The following DAAM2 variants were observed in gnomAD, a reference collection of about 807,000 sequenced individuals.
DAAM2 encodes disheveled-associated activator of morphogenesis 2.
In DAAM2, 39 loss-of-function variants were observed where a neutral mutation model predicts 120.7. That is an observed-to-expected ratio of 0.32 (90% CI 0.25 to 0.42). DAAM2 has a LOEUF of 0.42. Ranked by LOEUF, DAAM2 falls within the 10% of genes least tolerant of loss-of-function variation. The pLI is 1.00. For synonymous variants in DAAM2, 488 were observed against 524.9 expected (o/e 0.93, Z 0.96); for missense variants, 1,283 against 1,401.7 (o/e 0.92, Z 1.35).
chr6:39,864,147 C>G (rs537215280), intron 3 of DAAM2, among the ~76,000 whole-genome samples: 1 of 151,898 alleles, frequency 6.6e-6, no homozygotes, highest in African/African-American at 2.4e-5. Flanking sequence ...GCAAACAGAA[C>G]AAGAGAAAAG....
chr6:39,806,048 A>G (rs964814407), intron 1 of DAAM2, among the ~76,000 whole-genome samples: 3 of 152,162 alleles, frequency 2.0e-5, no homozygotes, highest in African/African-American at 7.2e-5. Flanking sequence ...AAACTAGTTG[A>G]TCTATTTTGC....
chr6:39,871,570 A>T lies in DAAM2; in HGVS notation c.1042A>T (p.Met348Leu), dbSNP rs1027404379. 6.5e-7 allele frequency: 1 copy of T among 1,550,200 alleles called. No individual in the cohort carries two copies. Among genetic ancestry groups the T allele is most frequent in the Non-Finnish European group, 8.7e-7 (1 of 1,146,916 alleles). The stretch of plus-strand genomic sequence containing the variant: ...CCTGGAGCTAGCCAGGAGGTTTGAC[A>T]TGGTGAGGAGCCAGCAGGGTGGAGC... ...DDLELARRFD[M>L]VHIDTKSASQ... The change falls in exon 9 of 25, where the codon ATG (methionine) becomes TTG (leucine). Residue 348 changes from methionine to leucine, a missense_variant and splice_region_variant. Met to Leu is a conservative substitution (Grantham distance 15, BLOSUM62 2). Around this residue, in one of 3 missense-constraint regions of DAAM2, gnomAD observed 338 missense variants for 443.9 expected, o/e 0.76. Coordinates refer to ENST00000274867, the MANE Select transcript of DAAM2 (RefSeq NM_001201427.2).
In DAAM2 at chr6:39,902,078, T is replaced by C; in HGVS notation, c.*41T>C. 2 of 1,524,984 alleles carry C rather than the reference T, an allele frequency of 1.3e-6. No individual in the cohort carries two copies. Among genetic ancestry groups the C allele is most frequent in the Non-Finnish European group, 1.8e-6 (2 of 1,114,732 alleles). 94.5% of individuals were successfully genotyped at this position (1,524,984 alleles called of 1,614,324 possible). On this transcript the variant is annotated 3_prime_UTR_variant, in exon 25 of 25. Transcript: ENST00000274867. ...ACACAGGAGGCCGGGAGACAGGGAC[T>C]GGTGAGAATGGGGCTGAGTGGAGGA...
intron 1 of DAAM2, among the ~76,000 whole-genome samples, chr6:39,828,070 A>G (rs778264596): frequency 5.3e-5 from 8 of 152,196 alleles, no homozygotes; most frequent in Non-Finnish European, 1.0e-4. Context: ...CTGATGAAGC[A>G]CTGAGCACAA....
rs1415424608 is a variant in DAAM2 at position 39,903,487 on chromosome 6, T to G, written c.*1450T>G. The G allele has an allele frequency of 6.6e-6, 1 of 152,204 alleles. No homozygotes were observed. The highest frequency in any genetic ancestry group is 1.5e-5 in the Non-Finnish European group (1 of 68,068). 9.4% of individuals were successfully genotyped at this position (152,204 alleles called of 1,614,324 possible). On this transcript the variant is annotated 3_prime_UTR_variant, in exon 25 of 25. Transcript: ENST00000274867. ...ATGGGATGGCTGTATCTAGACAAAA[T>G]TTTTCTAAAACTCCATCAAGGCTCT...
rs139726952 is a variant in DAAM2 at position 39,899,132 on chromosome 6, C to T, written c.2679+195C>T. ...TTAAAAGGGGTTACCTAAGACTATA[C>T]CCATGTTACTGTCCAACTTGGTATC... On this transcript the variant is annotated intron_variant, in intron 22 of 24. Transcript: ENST00000274867. 737 of 578,794 alleles carry T rather than the reference C, an allele frequency of 1.3e-3. 6 individuals carry two copies. The highest frequency in any genetic ancestry group is 0.012 in the African/African-American group (664 of 53,336). 35.9% of individuals were successfully genotyped at this position (578,794 alleles called of 1,614,324 possible). A position where few individuals can be genotyped will look rare whatever the true frequency, so the allele number is the denominator to read the frequency against.
At chr6:39,881,940 C>T (rs2149336142) in intron 14 of DAAM2, 1 of 152,192 alleles carries the variant, frequency 6.6e-6, no homozygotes. Flanking sequence ...GGAGAAAAAT[C>T]TCATCCCTCC....
chr6:39,861,748 C>T (rs1403519323), intron 3 of DAAM2: 1 of 154,344 alleles, frequency 6.5e-6, no homozygotes, highest in Non-Finnish European at 1.4e-5. Flanking sequence ...CTCCCCTCCA[C>T]CCTCCCAGTT....
intron 1 of DAAM2, among the ~76,000 whole-genome samples, chr6:39,811,174 AGTGTGTGTGTGTGTGTGT>A (rs59432565): frequency 7.5e-5 from 11 of 146,482 alleles, no homozygotes; most frequent in East Asian, 4.0e-4. Flanking sequence ...AACTGAAGGG[AGTGTGTGTGTGTGTGTGT>A]GTGTGTGTGT....
intron 1 of DAAM2, among the ~76,000 whole-genome samples, chr6:39,828,226 A>G (rs7750130): frequency 0.23 from 35,205 of 152,128 alleles, 4,233 homozygotes; most frequent in South Asian, 0.37. Flanking sequence ...ATAAACCAAA[A>G]CAACATTTCT....
chr6:39,829,534 T>G (rs552704397), intron 1 of DAAM2, among the ~76,000 whole-genome samples: 1 of 152,150 alleles, frequency 6.6e-6, no homozygotes, highest in Non-Finnish European at 1.5e-5. Context: ...GTTGGAGAGT[T>G]TATAGCCTGT....
rs1280715984 is a variant in DAAM2, at chr6:39,795,995, A to AGC, written c.-57+3532_-57+3533dup. Among the ~76,000 whole-genome samples, 5 of 151,996 alleles carry AGC rather than the reference A, an allele frequency of 3.3e-5. No homozygotes were observed. The East Asian group carries it at 9.9e-4, about 30-fold the overall frequency. ...CTTGAAGGACAAGCCTGAGTCAGAG[A>AGC]GCGGGTAGGCAGCCACTCCTTGTCA... On this transcript the variant is annotated intron_variant, in intron 1 of 24. Coordinates refer to ENST00000274867, the MANE Select transcript of DAAM2 (RefSeq NM_001201427.2).
At chr6:39,851,765 G>T (rs1763814861) in intron 1 of DAAM2, among the ~76,000 whole-genome samples, 1 of 152,218 alleles carries the variant, frequency 6.6e-6, no homozygotes, top group Non-Finnish European at 1.5e-5. Context: ...GATCGCGCAG[G>T]CAGTATGAAA....
intron 22 of DAAM2, 64 bp downstream of exon 22, chr6:39,899,001 C>T (rs975204724): frequency 7.3e-7 from 1 of 1,366,962 alleles, no homozygotes; most frequent in Non-Finnish European, 1.0e-6. Flanking sequence ...TTCGTCACTG[C>T]ACCCTAAGCT....
intron 1 of DAAM2, among the ~76,000 whole-genome samples, chr6:39,807,445 AG>A (rs1373125025): frequency 6.6e-6 from 1 of 152,218 alleles, no homozygotes; most frequent in Non-Finnish European, 1.5e-5. Flanking sequence ...AAGGCAGACC[AG>A]GGGAGAAGCA....
intron 1 of DAAM2, among the ~76,000 whole-genome samples, chr6:39,795,258 G>T (rs1434648671): frequency 6.6e-6 from 1 of 152,202 alleles, no homozygotes; most frequent in African/African-American, 2.4e-5. Context: ...CTGGCAGAAA[G>T]AACAAGTTGA....
At chr6:39,890,355 A>T (rs1372103201) in intron 17 of DAAM2, among the ~76,000 whole-genome samples, 1 of 152,188 alleles carries the variant, frequency 6.6e-6, no homozygotes, top group African/African-American at 2.4e-5. Flanking sequence ...TTTATTTATA[A>T]ATTCCCCGAA....
rs767664729 is a variant in DAAM2 at position 39,879,319 on chromosome 6, G to A, written c.1687G>A (p.Gly563Arg). 4.2e-5 allele frequency: 26 copies of A among 618,118 alleles called. No homozygotes were observed. Among genetic ancestry groups the A allele is most frequent in the East Asian group, 3.3e-4 (3 of 9,168 alleles). 38.3% of individuals were successfully genotyped at this position (618,118 alleles called of 1,614,324 possible). A position where few individuals can be genotyped will look rare whatever the true frequency, so the allele number is the denominator to read the frequency against. Residue 563 changes from glycine (G) to arginine (R), a missense_variant, in exon 14 of 25, where the codon GGG becomes AGG. Around this residue, in one of 3 missense-constraint regions of DAAM2, gnomAD observed 748 missense variants for 768.6 expected, o/e 0.97. Transcript: ENST00000274867. ...TCCCCCACCACCACCCCTTCCTCCC[G>A]GGGGACCCCCGACTCCCCCAGGTGC... ...PPPPPPPLPP[G>R]GPPTPPGAPP...
At chr6:39,815,651 TACACACACACACACACACACAC>T (rs56736428) in intron 1 of DAAM2, among the ~76,000 whole-genome samples, 2 of 148,968 alleles carry the variant, frequency 1.3e-5, no homozygotes, top group Non-Finnish European at 3.0e-5. Flanking sequence ...ACCCCTGGTT[TACACACACACACACACACACAC>T]ACACACACAC....
Sources: gnomAD v4.1 joint callset for allele counts (sites outside exome capture counted in the v4.1 genomes callset) on GRCh38, gnomAD v4.1.1 for gene constraint, gnomAD v4.1.1 regional missense constraint, MANE v1.5 for transcripts, NCBI Gene and HGNC (gene_info 2026-07-23, HGNC 2026-07-21) for gene names.